SEZ6L: variants seen among roughly 807,000 people sequenced by gnomAD.
SEZ6L encodes the protein seizure 6-like protein.
A neutral mutation model predicts 106.2 loss-of-function variants in SEZ6L; 37 were observed. The observed-to-expected ratio is 0.35, with a 90% CI of 0.27 to 0.46. SEZ6L has a LOEUF of 0.46. Among genes scored for constraint, SEZ6L ranks in the 20% least tolerant of loss-of-function variants. The pLI, the probability that SEZ6L is intolerant of heterozygous loss-of-function variation, is 1.00. For synonymous variants in SEZ6L, 541 were observed against 570.4 expected (o/e 0.95, Z 0.73); for missense variants, 1,172 against 1,332.8 (o/e 0.88, Z 1.88).
chr22:26,333,202 G>C (rs1449722428), intron 9 of SEZ6L, among the ~76,000 whole-genome samples: 1 of 152,232 alleles, frequency 6.6e-6, no homozygotes, highest in Non-Finnish European at 1.5e-5. Flanking sequence ...CCAGAGCAGG[G>C]TCAAGGTGGG....
chr22:26,220,575 G>A lies in SEZ6L; in HGVS notation c.94+50812G>A, dbSNP rs16981540. Among the ~76,000 whole-genome samples the A allele has an allele frequency of 3.2e-3, 491 of 152,230 alleles. 13 individuals carry two copies. In the South Asian group the frequency reaches 0.061, roughly 19 times the overall value. ...TTGGGTGAAGCAGGTCTCATTGCCA[G>A]GTGAGATGATGATGAGACAGGTGCT... On this transcript the variant is annotated intron_variant, in intron 1 of 16. Transcript: ENST00000248933.
intron 1 of SEZ6L, among the ~76,000 whole-genome samples, chr22:26,235,686 G>A (rs887387308): frequency 1.3e-5 from 2 of 152,164 alleles, no homozygotes; most frequent in Non-Finnish European, 2.9e-5. Context: ...CCAAGAAAAT[G>A]ACAAGCAAAA....
At chr22:26,213,867 A>C (rs2078228009) in intron 1 of SEZ6L, among the ~76,000 whole-genome samples, 1 of 152,172 alleles carries the variant, frequency 6.6e-6, no homozygotes. Flanking sequence ...GCTGCAGTGA[A>C]CCGTGATCAT....
chr22:26,205,155 G>A (rs929838022), intron 1 of SEZ6L, among the ~76,000 whole-genome samples: 8 of 152,184 alleles, frequency 5.3e-5, no homozygotes, highest in Admixed American at 2.0e-4. Flanking sequence ...AGATTTCACT[G>A]CCTCTTACTT....
intron 1 of SEZ6L, among the ~76,000 whole-genome samples, chr22:26,238,129 T>C (rs143462908): frequency 2.1e-4 from 32 of 152,228 alleles, no homozygotes; most frequent in African/African-American, 7.7e-4. Context: ...GTCCCTATTA[T>C]TAATTAAAGG....
chr22:26,282,247 A>G (rs1004584404), intron 1 of SEZ6L, among the ~76,000 whole-genome samples: 1 of 152,226 alleles, frequency 6.6e-6, no homozygotes, highest in Non-Finnish European at 1.5e-5. Flanking sequence ...GTGTTCTACA[A>G]TCACGTAACT....
At chr22:26,274,943 GC>G (rs1475855545) in intron 1 of SEZ6L, among the ~76,000 whole-genome samples, 4 of 152,310 alleles carry the variant, frequency 2.6e-5, no homozygotes, top group Admixed American at 6.5e-5. Flanking sequence ...CAAGGCCAAG[GC>G]CCCCACCATC....
At chr22:26,354,920 G>C (rs1300808597) in intron 12 of SEZ6L, among the ~76,000 whole-genome samples, 1 of 152,244 alleles carries the variant, frequency 6.6e-6, no homozygotes, top group Non-Finnish European at 1.5e-5. Flanking sequence ...GCCTGAAGAA[G>C]AGCCCTGCGT....
At chr22:26,348,612 A>G (rs376854974) in intron 11 of SEZ6L, among the ~76,000 whole-genome samples, 43 of 21,768 alleles carry the variant, frequency 2.0e-3, no homozygotes, top group Admixed American at 5.9e-3. Context: ...AAGAAAGAGA[A>G]AAAGAAAGAA....
intron 1 of SEZ6L, among the ~76,000 whole-genome samples, chr22:26,268,412 T>A (rs761691912): frequency 6.6e-6 from 1 of 152,222 alleles, no homozygotes; most frequent in Non-Finnish European, 1.5e-5. Context: ...AGGGGCAACA[T>A]GACCAAGGTC....
At position 26,292,467 on chromosome 22, in the gene SEZ6L, G is replaced by A. The variant is rs778789856; in HGVS notation, c.156G>A (p.Pro52=). The A allele has an allele frequency of 2.3e-5, 37 of 1,613,808 alleles. No homozygotes were observed. Among genetic ancestry groups the A allele is most frequent in the Middle Eastern group, 1.6e-4 (1 of 6,084 alleles). Residue 52 remains proline (P), a synonymous_variant, in exon 2 of 17, where the codon CCG becomes CCA. Transcript: ENST00000248933. The stretch of plus-strand genomic sequence containing the variant: ...CTTACCTCCTGCCCTCAGGAGCCCC[G>A]GAGAGAGGCAGTCCTGGCAAAGAGC... ...LGPYLLPSGA[P]ERGSPGKEHP...
At chr22:26,208,709 C>G (rs1941422612) in intron 1 of SEZ6L, among the ~76,000 whole-genome samples, 1 of 152,034 alleles carries the variant, frequency 6.6e-6, no homozygotes, top group Non-Finnish European at 1.5e-5. Flanking sequence ...TAGTTTTCTT[C>G]ATATTTATCC....
chr22:26,296,868 C>A lies in SEZ6L; in HGVS notation c.970-20C>A. 1 of 1,546,494 alleles carries A rather than the reference C, an allele frequency of 6.5e-7. No homozygotes were observed. Among genetic ancestry groups the A allele is most frequent in the South Asian group, 1.2e-5 (1 of 82,110 alleles). ...AACACAACTCAGAGTTCCTCTCTGTCTGCTTCTGCCTGTTCCCAGGTGAAG... is the reference window on the plus strand; with the variant it reads ...AACACAACTCAGAGTTCCTCTCTGTATGCTTCTGCCTGTTCCCAGGTGAAG... On this transcript the variant is annotated intron_variant, in intron 3 of 16. Transcript: ENST00000248933.
intron 1 of SEZ6L, among the ~76,000 whole-genome samples, chr22:26,221,039 G>A (rs1429200082): frequency 6.6e-6 from 1 of 152,002 alleles, no homozygotes; most frequent in African/African-American, 2.4e-5. Context: ...AGAAAGAAGA[G>A]AGGGAGAGGA....
intron 9 of SEZ6L, among the ~76,000 whole-genome samples, chr22:26,337,833 C>T (rs1452029625): frequency 1.3e-5 from 2 of 152,124 alleles, no homozygotes; most frequent in South Asian, 2.1e-4. Context: ...TCAAAATCTT[C>T]CTAAGCCACC....
intron 5 of SEZ6L, among the ~76,000 whole-genome samples, chr22:26,302,321 CCTGGAG>C (rs1395069403): frequency 6.6e-6 from 1 of 152,156 alleles, no homozygotes; most frequent in Non-Finnish European, 1.5e-5. Flanking sequence ...GCACATTACA[CCTGGAG>C]AAGCACTGGT....
intron 1 of SEZ6L, among the ~76,000 whole-genome samples, chr22:26,262,714 G>A (rs558007258): frequency 1.3e-5 from 2 of 152,262 alleles, no homozygotes; most frequent in African/African-American, 2.4e-5. Context: ...CTAGCCAGAC[G>A]GGAGAAGGAG....
intron 11 of SEZ6L, among the ~76,000 whole-genome samples, chr22:26,348,521 G>A (rs1333675887): frequency 3.2e-5 from 1 of 30,856 alleles, no homozygotes. Flanking sequence ...AGAGAAGGAA[G>A]GAAGGAAGGA....
chr22:26,220,640 T>A (rs1247011792), intron 1 of SEZ6L, among the ~76,000 whole-genome samples: 2 of 152,164 alleles, frequency 1.3e-5, no homozygotes, highest in Non-Finnish European at 2.9e-5. Flanking sequence ...ATCCCTATGA[T>A]GTCACTATAT....
Sources: allele counts gnomAD v4.1 joint callset (sites outside exome capture counted in the v4.1 genomes callset), GRCh38; gene constraint gnomAD v4.1.1; transcripts MANE v1.5; gene names NCBI Gene and HGNC (gene_info 2026-07-23, HGNC 2026-07-21).